SPACA6: variants seen among roughly 807,000 people sequenced by gnomAD.
SPACA6 encodes the protein sperm acrosome membrane-associated protein 6.
For missense variants in SPACA6, 8 were observed against 2.8 expected (o/e 2.88, Z -1.34); for synonymous variants, 6 against 1.5 (o/e 4.05, Z -2.21).
At chr19:51,689,015 C>G (rs538481929), upstream of SPACA6, 1 of 152,832 alleles carries the variant, frequency 6.5e-6, no homozygotes, top group South Asian at 2.1e-4. Context: ...GGGAGGGAGG[C>G]CAGCGAGGGA....
At chr19:51,712,677 C>G (rs956770170), downstream of SPACA6, among the ~76,000 whole-genome samples, 1 of 152,132 alleles carries the variant, frequency 6.6e-6, no homozygotes, top group Non-Finnish European at 1.5e-5. Flanking sequence ...TGTATGGACA[C>G]AGGGGCAAGT....
chr19:51,709,219 GA>G (rs35079110), downstream of SPACA6, among the ~76,000 whole-genome samples: 25,700 of 126,852 alleles, frequency 0.2, 2,274 homozygotes, highest in South Asian at 0.27. Flanking sequence ...ACCTGAATCA[GA>G]AAAAAAAAAA....
rs200108879 is a variant in SPACA6, at chr19:51,693,906, AG to A, written c.214+170del. 4.3e-3 allele frequency: 1,707 copies of A among 394,084 alleles called. 19 individuals are homozygous for A. Among genetic ancestry groups the A allele is most frequent in the African/African-American group, 0.031 (1,501 of 48,666 alleles). The allele number at this position is 394,084 out of a possible 1,614,324, so 24.4% of individuals were successfully genotyped here. ...GACTTAGGGACAGAGAGACACAGAC[AG>A]GGGAAGACAGCAGGGCAAAGACTCA... On this transcript the variant is annotated intron_variant, in intron 1 of 8. Transcript: ENST00000637797.
downstream of SPACA6, chr19:51,713,042 G>C (rs3829654): frequency 0.36 from 68,390 of 187,584 alleles, 12,771 homozygotes; most frequent in African/African-American, 0.45. The surrounding 1 kb of genome is among the most constrained non-coding windows in gnomAD (Gnocchi z 4.5). Context: ...CTAGCACCCA[G>C]CACTGAGCCC....
intron 2 of SPACA6, among the ~76,000 whole-genome samples, chr19:51,697,738 T>G (rs1231248197): frequency 6.6e-6 from 1 of 152,146 alleles, no homozygotes. Flanking sequence ...TTTGTATATA[T>G]GTATATATAA....
At chr19:51,706,362 C>T (rs530444330), downstream of SPACA6, among the ~76,000 whole-genome samples, 145 of 152,276 alleles carry the variant, frequency 9.5e-4, 5 homozygotes, top group South Asian at 0.029. Flanking sequence ...CGCTAATCCC[C>T]TTGACAAGTC....
rs1193819146 is a variant in SPACA6, at chr19:51,702,497, C to G, written c.362-132C>G. 14 of 394,116 alleles carry G rather than the reference C, an allele frequency of 3.6e-5. No homozygotes were observed. The East Asian group carries it at 5.0e-4, about 14-fold the overall frequency. The allele number at this position is 394,116 out of a possible 1,614,324, so 24.4% of individuals were successfully genotyped here. On this transcript the variant is annotated intron_variant, in intron 3 of 8. Coordinates refer to ENST00000637797, the MANE Select transcript of SPACA6 (RefSeq NM_001316972.2). ...GAACCCAGCCGGCTTGACCCCGCCC[C>G]CAGGTTATGACGAAAGCTTGGCCCC...
upstream of SPACA6, among the ~76,000 whole-genome samples, chr19:51,691,466 G>A (rs1019598832): frequency 6.7e-6 from 1 of 149,694 alleles, no homozygotes; most frequent in Admixed American, 6.7e-5. Flanking sequence ...ACAAAGAGGG[G>A]GAAGGGGGAG....
chr19:51,706,975 T>A (rs150240065), downstream of SPACA6, among the ~76,000 whole-genome samples: 131 of 152,334 alleles, frequency 8.6e-4, no homozygotes, highest in African/African-American at 2.1e-3. Flanking sequence ...ACTCATTTTT[T>A]AATTTGGTTT....
downstream of SPACA6, among the ~76,000 whole-genome samples, chr19:51,706,186 C>T (rs911482303): frequency 4.6e-5 from 7 of 152,110 alleles, no homozygotes; most frequent in African/African-American, 1.4e-4. Context: ...TGCCACCCTG[C>T]GGTTTTTCTC....
Position 51,705,029 on chromosome 19 carries a change from G to A in SPACA6, c.942-61G>A, listed in dbSNP as rs555890860. The A allele has an allele frequency of 7.3e-5, 29 of 399,254 alleles. No homozygotes were observed. The Admixed American group carries it at 7.5e-4, about 10-fold the overall frequency. 24.7% of individuals were successfully genotyped at this position (399,254 alleles called of 1,614,324 possible). On this transcript the variant is annotated intron_variant, in intron 8 of 8. Transcript: ENST00000637797. ...TTTTTGACCCTGGTGTCCAGGCTCC[G>A]GGACCTAAGTTTCTAGTCACCAACC...
At position 51,704,425 on chromosome 19, in the gene SPACA6, T is replaced by C; in HGVS notation, c.886T>C (p.Phe296Leu). 2.5e-6 allele frequency: 1 copy of C among 401,196 alleles called. No homozygotes were observed. Among genetic ancestry groups the C allele is most frequent in the Non-Finnish European group, 4.4e-6 (1 of 226,252 alleles). 24.9% of individuals were successfully genotyped at this position (401,196 alleles called of 1,614,324 possible). A position where few individuals can be genotyped will look rare whatever the true frequency, so the allele number is the denominator to read the frequency against. Reference protein sequence around the residue: ...RPEALTPSNLFLLAVLGALAS... With the variant: ...RPEALTPSNLLLLAVLGALAS... ...CGAGGCTCTGACGCCCAGCAATCTG[T>C]TCCTGCTTGCAGTCCTCGGGGCCCT... Residue 296 changes from phenylalanine to leucine, a missense_variant, in exon 8 of 9, where the codon TTC becomes CTC. Transcript: ENST00000637797.
At chr19:51,687,784 C>T (rs933842819), upstream of SPACA6, 5 of 152,302 alleles carry the variant, frequency 3.3e-5, no homozygotes, top group Non-Finnish European at 7.3e-5. Context: ...CTTCTTCCTC[C>T]TAGTTCCCCA....
At chr19:51,702,028 C>T (rs1359302522) in intron 3 of SPACA6, among the ~76,000 whole-genome samples, 1 of 152,142 alleles carries the variant, frequency 6.6e-6, no homozygotes, top group Non-Finnish European at 1.5e-5. Flanking sequence ...CCGAGATCGG[C>T]ACTCCAGCCT....
chr19:51,692,159 G>C (rs2083379378), upstream of SPACA6, among the ~76,000 whole-genome samples: 1 of 152,146 alleles, frequency 6.6e-6, no homozygotes, highest in Non-Finnish European at 1.5e-5. The surrounding 1 kb of genome is among the most constrained non-coding windows in gnomAD (Gnocchi z 5.6). Flanking sequence ...CCTGGGCCTG[G>C]AGTCTCTGCA....
At chr19:51,691,910 G>A (rs1343346912), upstream of SPACA6, among the ~76,000 whole-genome samples, 1 of 152,038 alleles carries the variant, frequency 6.6e-6, no homozygotes, top group Non-Finnish European at 1.5e-5. Context: ...GGCAGACTTT[G>A]GGAGCCTCTT....
In SPACA6 at chr19:51,704,349, C is replaced by A; in HGVS notation, c.810C>A (p.Ala270=). 2.5e-6 allele frequency: 1 copy of A among 400,956 alleles called. No homozygotes were observed. The highest frequency in any genetic ancestry group is 3.6e-5 in the East Asian group (1 of 28,032). 24.8% of individuals were successfully genotyped at this position (400,956 alleles called of 1,614,324 possible). Residue 270 remains alanine (A), a synonymous_variant, in exon 8 of 9, where the codon GCC becomes GCA. Transcript: ENST00000637797. ...REVLRWAPRD[A]ELIEPWRPSL... is the part of the protein sequence containing the mutation. ...TGCTGCGCTGGGCGCCGCGGGATGCCGAGCTGATCGAGCCCTGGAGGCCCA... is the reference window on the plus strand; with the variant it reads ...TGCTGCGCTGGGCGCCGCGGGATGCAGAGCTGATCGAGCCCTGGAGGCCCA...
At chr19:51,701,392 T>G (rs1172535356) in intron 2 of SPACA6, among the ~76,000 whole-genome samples, 2 of 152,080 alleles carry the variant, frequency 1.3e-5, no homozygotes, top group African/African-American at 4.8e-5. Context: ...AGGACTTCCA[T>G]CCTGGAGAGA....
chr19:51,689,814 G>A (rs2083354048), upstream of SPACA6, among the ~76,000 whole-genome samples: 1 of 151,772 alleles, frequency 6.6e-6, no homozygotes, highest in Non-Finnish European at 1.5e-5. Context: ...TCAAGAGGGA[G>A]GACAGAGATG....
Sources: gnomAD v4.1 joint callset for allele counts (sites outside exome capture counted in the v4.1 genomes callset) on GRCh38, gnomAD v4.1.1 for gene constraint, Gnocchi (gnomAD v3.1) non-coding constraint, MANE v1.5 for transcripts, NCBI Gene and HGNC (gene_info 2026-07-23, HGNC 2026-07-21) for gene names.